The following ZNF638 variants were observed in gnomAD, a reference collection of about 807,000 sequenced individuals.
ZNF638 encodes CTCL tumor antigen se33-1.
In ZNF638, 46 loss-of-function variants were observed where a neutral mutation model predicts 195.6. The ratio of observed to expected loss-of-function variants is 0.24; its 90% confidence interval spans 0.19 to 0.30. ZNF638 has a LOEUF of 0.30. Ranked by LOEUF, ZNF638 falls within the 10% of genes least tolerant of loss-of-function variation. The pLI, the probability that ZNF638 is intolerant of heterozygous loss-of-function variation, is 1.00. For missense variants in ZNF638, 2,440 were observed against 2,325.3 expected (o/e 1.05, Z -1.01); for synonymous variants, 845 against 772.0 (o/e 1.09, Z -1.57).
chr2:71,434,967 TG>T lies in ZNF638; in HGVS notation c.*161del, dbSNP rs1558893009. 1 of 554,232 alleles carries T rather than the reference TG, an allele frequency of 1.8e-6. No homozygotes were observed. The highest frequency in any genetic ancestry group is 3.1e-5 in the East Asian group (1 of 32,280). 34.3% of individuals were successfully genotyped at this position (554,232 alleles called of 1,614,324 possible). A position where few individuals can be genotyped will look rare whatever the true frequency, so the allele number is the denominator to read the frequency against. On this transcript the variant is annotated 3_prime_UTR_variant, in exon 28 of 28. Coordinates refer to ENST00000264447, the MANE Select transcript of ZNF638 (RefSeq NM_014497.5). Reference sequence around the variant, plus strand: ...TGTAGAGAGACTGATGGGGAAAGTATGATGGGTTTGATTTTTATATCAAATC... The same window carrying T: ...TGTAGAGAGACTGATGGGGAAAGTATATGGGTTTGATTTTTATATCAAATC...
intron 21 of ZNF638, among the ~76,000 whole-genome samples, chr2:71,421,143 A>G (rs970740011): frequency 1.3e-5 from 2 of 152,166 alleles, no homozygotes; most frequent in Non-Finnish European, 2.9e-5. Context: ...CAGTACAGTA[A>G]TGAGGCAGGA....
intron 1 of ZNF638, among the ~76,000 whole-genome samples, chr2:71,343,013 A>C (rs2078788238): frequency 6.6e-6 from 1 of 152,114 alleles, no homozygotes; most frequent in Admixed American, 6.5e-5. Context: ...ATTTTTGAAA[A>C]TTTGATAAAC....
Position 71,350,163 on chromosome 2 carries a change from G to A in ZNF638, c.1209G>A (p.Lys403=). 1 of 1,613,460 alleles carries A rather than the reference G, an allele frequency of 6.2e-7. No homozygotes were observed. The highest frequency in any genetic ancestry group is 8.5e-7 in the Non-Finnish European group (1 of 1,180,034). ...AGTTTTCACATGCTGATGCCCAGAA[G>A]ATGAAGAGACTTCCAACTCCTTCTA... is the stretch of plus-strand genomic sequence containing the variant. ...LPKFSHADAQ[K]MKRLPTPSMM... is the part of the protein sequence containing the mutation. The change falls in exon 2 of 28, where the codon AAG becomes AAA. Residue 403 remains lysine, a synonymous_variant. Transcript: ENST00000264447.
intron 3 of ZNF638, among the ~76,000 whole-genome samples, chr2:71,358,743 G>A (rs1375807031): frequency 1.3e-5 from 2 of 152,190 alleles, no homozygotes; most frequent in East Asian, 3.9e-4. Flanking sequence ...CAGATCCAGG[G>A]CCTCCCTCTT....
chr2:71,380,750 C>G, intron 10 of ZNF638, 185 bp downstream of exon 10: 1 of 444,640 alleles, frequency 2.2e-6, no homozygotes, highest in Non-Finnish European at 4.0e-6. Flanking sequence ...AGAATCACTT[C>G]TGGAGTAAAT....
At chr2:71,383,881 T>C (rs1393607448) in intron 10 of ZNF638, among the ~76,000 whole-genome samples, 1 of 149,344 alleles carries the variant, frequency 6.7e-6, no homozygotes, top group Non-Finnish European at 1.5e-5. Context: ...GGATTACAGG[T>C]GTGAGCCACC....
intron 10 of ZNF638, among the ~76,000 whole-genome samples, chr2:71,381,320 G>A (rs892229132): frequency 3.3e-5 from 5 of 152,080 alleles, no homozygotes; most frequent in Admixed American, 6.5e-5. Flanking sequence ...AAGAATTTAG[G>A]CACTAAGTTT....
chr2:71,406,490 A>G (rs2152580812), intron 19 of ZNF638, among the ~76,000 whole-genome samples: 1 of 152,188 alleles, frequency 6.6e-6, no homozygotes, highest in African/African-American at 2.4e-5. Context: ...GACTTACGCA[A>G]GGGGGAAAGG....
At chr2:71,407,773 A>G (rs540960483) in intron 19 of ZNF638, 72 of 159,570 alleles carry the variant, frequency 4.5e-4, no homozygotes, top group African/African-American at 1.6e-3. Flanking sequence ...GTGGAATTAT[A>G]TTTGCTTTTT....
At chr2:71,355,247 C>T (rs1341673719) in intron 2 of ZNF638, among the ~76,000 whole-genome samples, 3 of 152,124 alleles carry the variant, frequency 2.0e-5, no homozygotes, top group Admixed American at 2.0e-4. Context: ...TGAGCCACTG[C>T]GCCCGGCGGC....
At position 71,427,241 on chromosome 2, in the gene ZNF638, AAG is replaced by A; in HGVS notation, c.5373_5374del (p.Lys1791AsnfsTer2). 1 of 1,613,294 alleles carries A rather than the reference AAG, an allele frequency of 6.2e-7. No individual in the cohort carries two copies. The highest frequency in any genetic ancestry group is 8.5e-7 in the Non-Finnish European group (1 of 1,179,842). On this transcript the variant is annotated frameshift_variant, in exon 24 of 28. Transcript: ENST00000264447. LOFTEE classifies it high-confidence loss of function. ...GAGGAAGATGGAGATAATGATTTAAAAGTTGAGTTAGCACAAAGCAAAAATGA... is the reference window on the plus strand; with the variant it reads ...GAGGAAGATGGAGATAATGATTTAAATTGAGTTAGCACAAAGCAAAAATGA...
chr2:71,426,368 A>T, intron 23 of ZNF638, 92 bp from the exon 24 acceptor site: 1 of 956,046 alleles, frequency 1.0e-6, no homozygotes, highest in Non-Finnish European at 1.6e-6. Context: ...AATTCTCCCA[A>T]ATGATCTGCA....
chr2:71,393,131 C>G (rs1476329660), intron 10 of ZNF638, among the ~76,000 whole-genome samples: 1 of 151,866 alleles, frequency 6.6e-6, no homozygotes, highest in Non-Finnish European at 1.5e-5. Context: ...CGTGCCCACT[C>G]CACCCTTAAA....
At chr2:71,430,253 A>G (rs1215050848) in intron 25 of ZNF638, among the ~76,000 whole-genome samples, 1 of 152,040 alleles carries the variant, frequency 6.6e-6, no homozygotes, top group African/African-American at 2.4e-5. Flanking sequence ...GTGCCTTTGG[A>G]GTGGCAGGAA....
At chr2:71,348,510 C>T in intron 1 of ZNF638, 2 of 1,135,746 alleles carry the variant, frequency 1.8e-6, no homozygotes, top group Non-Finnish European at 2.2e-6. Context: ...TAGGACAGCA[C>T]CCAGTGCAAC....
chr2:71,383,413 TTA>T (rs2079569052), intron 10 of ZNF638, among the ~76,000 whole-genome samples: 1 of 152,118 alleles, frequency 6.6e-6, no homozygotes, highest in Non-Finnish European at 1.5e-5. Flanking sequence ...ACGCAAAACT[TTA>T]TGATTCCAAA....
Position 71,349,725 on chromosome 2 carries a change from G to A in ZNF638, c.771G>A (p.Val257=), listed in dbSNP as rs1299346930. 6.2e-7 allele frequency: 1 copy of A among 1,614,078 alleles called. No homozygotes were observed. The highest frequency in any genetic ancestry group is 8.5e-7 in the Non-Finnish European group (1 of 1,180,044). ...NISASVPNPN[V]ICNSMFPVED... ...CTGCATCTGTTCCCAATCCAAATGT[G>A]ATATGTAATTCTATGTTTCCTGTTG... Residue 257 remains valine (V), a synonymous_variant, in exon 2 of 28, where the codon GTG becomes GTA. Coordinates refer to ENST00000264447, the MANE Select transcript of ZNF638 (RefSeq NM_014497.5).
chr2:71,376,692 A>G (rs1313797817), intron 8 of ZNF638, among the ~76,000 whole-genome samples: 6 of 133,262 alleles, frequency 4.5e-5, no homozygotes, highest in South Asian at 2.5e-4. Flanking sequence ...TGCTGCTTCT[A>G]TGAATCTAAA....
intron 4 of ZNF638, among the ~76,000 whole-genome samples, chr2:71,363,661 T>C (rs1025420638): frequency 6.6e-6 from 1 of 152,220 alleles, no homozygotes; most frequent in African/African-American, 2.4e-5. Flanking sequence ...AAAACATAAT[T>C]GGAATAATGT....
Sources: allele counts gnomAD v4.1 joint callset (sites outside exome capture counted in the v4.1 genomes callset), GRCh38; gene constraint gnomAD v4.1.1; transcripts MANE v1.5; gene names NCBI Gene and HGNC (gene_info 2026-07-23, HGNC 2026-07-21).